PPP1R37: variants seen among roughly 807,000 people sequenced by gnomAD.
PPP1R37 encodes protein phosphatase 1 regulatory subunit 37, also known as leucine rich repeat containing 68.
Under a neutral mutation model 61.0 loss-of-function variants are expected in PPP1R37, and 21 were observed. The observed-to-expected ratio is 0.34, with a 90% CI of 0.24 to 0.50. The LOEUF is 0.50. Ranked by LOEUF, PPP1R37 falls within the 20% of genes least tolerant of loss-of-function variation. PPP1R37 has a pLI of 0.98. For synonymous variants in PPP1R37, 443 were observed against 433.5 expected (o/e 1.02, Z -0.27); for missense variants, 910 against 952.7 (o/e 0.96, Z 0.59).
chr19:45,101,681 G>A (rs927263367), intron 1 of PPP1R37, among the ~76,000 whole-genome samples: 6 of 152,102 alleles, frequency 3.9e-5, no homozygotes, highest in Admixed American at 6.5e-5. Context: ...TCACACCACT[G>A]CCCTCCAGCC....
intron 1 of PPP1R37, among the ~76,000 whole-genome samples, chr19:45,111,972 C>CA (rs1568442218): frequency 6.8e-6 from 1 of 146,144 alleles, no homozygotes; most frequent in African/African-American, 2.5e-5. Context: ...TCTTTTCTTT[C>CA]TTTTTTTTTT....
At position 45,101,136 on chromosome 19, in the gene PPP1R37, C is replaced by T. The variant is rs796780290; in HGVS notation, c.202+7609C>T. On this transcript the variant is annotated intron_variant, in intron 1 of 12. Transcript: ENST00000221462. ...TCTCAGCAAACCAGGCTTCTGAGGACTCAGATTAGGGAGGGTCCACAGGGT... is the reference window on the plus strand; with the variant it reads ...TCTCAGCAAACCAGGCTTCTGAGGATTCAGATTAGGGAGGGTCCACAGGGT... Among the ~76,000 whole-genome samples the T allele has an allele frequency of 5.3e-5, 8 of 152,248 alleles. 1 individual carries two copies. Among genetic ancestry groups the T allele is most frequent in the African/African-American group, 1.9e-4 (8 of 41,554 alleles).
At chr19:45,132,326 AAG>A (rs1025144550) in intron 1 of PPP1R37, among the ~76,000 whole-genome samples, 3 of 151,630 alleles carry the variant, frequency 2.0e-5, no homozygotes, top group African/African-American at 7.3e-5. Flanking sequence ...TTTTTTTTTT[AAG>A]AGAGTCTCAC....
rs1005854242 is a variant in PPP1R37, at chr19:45,142,419, C to A, written c.835C>A (p.Gln279Lys). The A allele has an allele frequency of 1.2e-5, 19 of 1,536,044 alleles. No homozygotes were observed. The highest frequency in any genetic ancestry group is 1.6e-5 in the Non-Finnish European group (18 of 1,146,922). Residue 279 changes from glutamine to lysine, a missense_variant, in exon 7 of 13, where the codon CAG (glutamine) becomes AAG (lysine). By Grantham distance (53) the Gln-to-Lys change is moderately conservative (BLOSUM62 1). This residue lies in a region of PPP1R37 where 280 missense variants were observed against 382.2 expected (regional missense o/e 0.73). Coordinates refer to ENST00000221462, the MANE Select transcript of PPP1R37 (RefSeq NM_019121.2). ...GNLLKFNCSL[Q>K]ILDLRNNHVL... is the part of the protein sequence containing the mutation. ...CCTGCTCAAGTTCAACTGCTCCCTG[C>A]AGATCCTGGACCTCCGGAACAACCA...
intron 1 of PPP1R37, among the ~76,000 whole-genome samples, chr19:45,134,573 T>C (rs1318558492): frequency 1.3e-5 from 2 of 151,796 alleles, no homozygotes; most frequent in African/African-American, 2.4e-5. Context: ...TTTTTTTTTT[T>C]TTCTTGAGAC....
chr19:45,113,108 G>A (rs770099637), intron 1 of PPP1R37, among the ~76,000 whole-genome samples: 128 of 152,200 alleles, frequency 8.4e-4, no homozygotes, highest in Non-Finnish European at 1.7e-3. Context: ...CAGGGCTGGG[G>A]ATGTGCGGCT....
At position 45,146,639 on chromosome 19, in the gene PPP1R37, A is replaced by C. The variant is rs1968705748; in HGVS notation, c.*77A>C. 1.7e-6 allele frequency: 1 copy of C among 589,534 alleles called. No individual in the cohort carries two copies. Among genetic ancestry groups the C allele is most frequent in the Non-Finnish European group, 3.0e-6 (1 of 337,048 alleles). 36.5% of individuals were successfully genotyped at this position (589,534 alleles called of 1,614,324 possible). On this transcript the variant is annotated 3_prime_UTR_variant, in exon 13 of 13. Coordinates refer to ENST00000221462, the MANE Select transcript of PPP1R37 (RefSeq NM_019121.2). ...ATGAGAATCTGCTCACCTTCCCCCC[A>C]GCCTTCCTGAGGCCCAGGATGCCAG...
intron 8 of PPP1R37, 73 bp downstream of exon 8, chr19:45,143,706 T>G: frequency 1.1e-6 from 1 of 878,060 alleles, no homozygotes; most frequent in South Asian, 1.5e-5. Flanking sequence ...CTCAGCACAG[T>G]TGCCTCTAGC....
intron 1 of PPP1R37, among the ~76,000 whole-genome samples, chr19:45,138,109 T>G (rs1390286869): frequency 6.6e-6 from 1 of 151,856 alleles, no homozygotes; most frequent in East Asian, 1.9e-4. Flanking sequence ...AGCAACAGAG[T>G]GAGACCCTGT....
chr19:45,100,686 C>T (rs748820287), intron 1 of PPP1R37, among the ~76,000 whole-genome samples: 4 of 152,196 alleles, frequency 2.6e-5, no homozygotes, highest in Non-Finnish European at 5.9e-5. Flanking sequence ...ACGGTCTCTT[C>T]ATCTATAACC....
At chr19:45,140,648 C>G in intron 4 of PPP1R37, 42 bp downstream of exon 4, 1 of 1,456,268 alleles carries the variant, frequency 6.9e-7, no homozygotes, top group South Asian at 1.2e-5. Context: ...CCTGAGCTCC[C>G]GGGCCCCTTC....
intron 1 of PPP1R37, among the ~76,000 whole-genome samples, chr19:45,110,446 C>T (rs959236496): frequency 1.3e-5 from 2 of 152,072 alleles, no homozygotes; most frequent in African/African-American, 4.8e-5. Flanking sequence ...TCTTTTAGGT[C>T]TCAGTCGAAA....
intron 2 of PPP1R37, 94 bp from the exon 3 acceptor site, chr19:45,140,142 A>T: frequency 8.8e-7 from 1 of 1,137,764 alleles, no homozygotes; most frequent in Non-Finnish European, 1.3e-6. Context: ...CCACCCCAGA[A>T]CCCTGCCTGA....
At chr19:45,125,003 A>G (rs1054512050) in intron 1 of PPP1R37, among the ~76,000 whole-genome samples, 13 of 152,058 alleles carry the variant, frequency 8.5e-5, no homozygotes, top group African/African-American at 3.1e-4. Flanking sequence ...ACCAGATGAG[A>G]GGCAAGACGG....
At chr19:45,101,466 C>T (rs1395690420) in intron 1 of PPP1R37, among the ~76,000 whole-genome samples, 1 of 152,184 alleles carries the variant, frequency 6.6e-6, no homozygotes, top group Non-Finnish European at 1.5e-5. Context: ...GCCTGTCATC[C>T]CAGCACTTCA....
chr19:45,143,841 T>G, intron 8 of PPP1R37: 2 of 434,098 alleles, frequency 4.6e-6, no homozygotes, highest in Non-Finnish European at 8.4e-6. Flanking sequence ...TATCTCCTTT[T>G]TTTTTTTGAG....
chr19:45,146,141 C>T (rs1317878612), intron 11 of PPP1R37, 92 bp downstream of exon 11: 1 of 1,343,094 alleles, frequency 7.4e-7, no homozygotes, highest in Non-Finnish European at 9.9e-7. Context: ...TCAGTTTCCC[C>T]CTCTTTAAAA....
At position 45,145,215 on chromosome 19, in the gene PPP1R37, C is replaced by G. The variant is rs896199761; in HGVS notation, c.1251C>G (p.His417Gln). ...TGTCGTTGGCCCTCAAGGTGAACCA[C>G]TCACTGCTGCGCCTGGACCTCGACC... ...MALSLALKVNHSLLRLDLDRE... is the reference protein window; with the variant it reads ...MALSLALKVNQSLLRLDLDRE... The change falls in exon 10 of 13, where the codon CAC (histidine) becomes CAG (glutamine). Residue 417 changes from histidine to glutamine, a missense_variant. Physicochemically the swap from His to Gln is conservative, Grantham distance 24. Coordinates refer to ENST00000221462, the MANE Select transcript of PPP1R37 (RefSeq NM_019121.2). The G allele has an allele frequency of 6.5e-7, 1 of 1,535,080 alleles. No individual in the cohort carries two copies. Among genetic ancestry groups the G allele is most frequent in the Admixed American group, 2.0e-5 (1 of 50,888 alleles).
intron 1 of PPP1R37, among the ~76,000 whole-genome samples, chr19:45,136,658 C>T (rs1968542443): frequency 1.3e-5 from 2 of 152,188 alleles, no homozygotes; most frequent in South Asian, 4.1e-4. Context: ...AGGCCTCCAC[C>T]CCCAAGGAGG....
Sources: allele counts gnomAD v4.1 joint callset (sites outside exome capture counted in the v4.1 genomes callset), GRCh38; gene constraint gnomAD v4.1.1; regional missense constraint gnomAD v4.1.1; transcripts MANE v1.5; gene names NCBI Gene and HGNC (gene_info 2026-07-23, HGNC 2026-07-21).